The following CACNA2D3 variants were observed in gnomAD, a reference collection of about 807,000 sequenced individuals.
CACNA2D3 encodes voltage-dependent calcium channel subunit alpha-2/delta-3.
In CACNA2D3, 60 loss-of-function variants were observed where a neutral mutation model predicts 160.6. The observed-to-expected ratio is 0.37, with a 90% confidence interval of 0.30 to 0.46. The LOEUF (loss-of-function observed/expected upper bound fraction) is 0.46. CACNA2D3 is among the 20% of genes least tolerant of loss of function. CACNA2D3 has a pLI of 1.00. For synonymous variants in CACNA2D3, 558 were observed against 492.9 expected (o/e 1.13, Z -1.75); for missense variants, 1,205 against 1,365.0 (o/e 0.88, Z 1.85).
At chr3:54,596,001 A>G (rs984165563) in intron 9 of CACNA2D3, among the ~76,000 whole-genome samples, 4 of 152,072 alleles carry the variant, frequency 2.6e-5, no homozygotes, top group Non-Finnish European at 5.9e-5. Context: ...ATTTTAACCA[A>G]TTTGGCTATT....
intron 4 of CACNA2D3, among the ~76,000 whole-genome samples, chr3:54,453,575 T>A (rs1323992777): frequency 6.6e-6 from 1 of 152,196 alleles, no homozygotes; most frequent in Non-Finnish European, 1.5e-5. Flanking sequence ...AACGAGCCTG[T>A]TTTGGCTCTC....
intron 11 of CACNA2D3, among the ~76,000 whole-genome samples, chr3:54,702,582 A>T (rs1700787293): frequency 6.6e-6 from 1 of 152,236 alleles, no homozygotes; most frequent in Non-Finnish European, 1.5e-5. Flanking sequence ...GTCATTAAAA[A>T]GTTTAAAAAT....
chr3:54,263,488 C>G (rs1702441339), intron 2 of CACNA2D3, among the ~76,000 whole-genome samples: 3 of 152,020 alleles, frequency 2.0e-5, no homozygotes, highest in African/African-American at 7.3e-5. Flanking sequence ...TGCCCAGGGT[C>G]ACACAGTGAG....
At chr3:54,583,998 A>G (rs1437336024) in intron 9 of CACNA2D3, among the ~76,000 whole-genome samples, 1 of 152,138 alleles carries the variant, frequency 6.6e-6, no homozygotes, top group Non-Finnish European at 1.5e-5. Context: ...CTCCAGCTGA[A>G]TATCAACGGA....
At chr3:54,682,870 ACTGC>A (rs1224920940) in intron 11 of CACNA2D3, among the ~76,000 whole-genome samples, 1 of 152,146 alleles carries the variant, frequency 6.6e-6, no homozygotes, top group African/African-American at 2.4e-5. Flanking sequence ...CCCACCACCC[ACTGC>A]CTTCTCTGAA....
At chr3:54,624,698 A>T (rs1364677439) in intron 9 of CACNA2D3, among the ~76,000 whole-genome samples, 1 of 152,262 alleles carries the variant, frequency 6.6e-6, no homozygotes, top group Non-Finnish European at 1.5e-5. Context: ...CAGAAATGAC[A>T]TCAGGCAAAT....
chr3:54,802,841 G>A (rs1228390454), intron 13 of CACNA2D3, among the ~76,000 whole-genome samples: 8 of 152,256 alleles, frequency 5.3e-5, no homozygotes, highest in Admixed American at 1.3e-4. Flanking sequence ...TCACACGGCC[G>A]GGTACTCCTC....
intron 17 of CACNA2D3, among the ~76,000 whole-genome samples, chr3:54,848,149 C>T (rs1364513947): frequency 8.5e-5 from 13 of 152,176 alleles, no homozygotes; most frequent in Admixed American, 7.2e-4. Flanking sequence ...ATTTGCCTAG[C>T]AGTCTTTTAT....
chr3:54,303,818 G>GTTTTTTTGTTT (rs767769095), intron 2 of CACNA2D3, among the ~76,000 whole-genome samples: 5 of 115,006 alleles, frequency 4.3e-5, no homozygotes, highest in South Asian at 2.8e-4. Context: ...CTTTTTTTCT[G>GTTTTTTTGTTT]TTTTTTTTTT....
At chr3:54,467,095 A>G (rs1575472563) in intron 4 of CACNA2D3, among the ~76,000 whole-genome samples, 1 of 152,158 alleles carries the variant, frequency 6.6e-6, no homozygotes, top group African/African-American at 2.4e-5. Context: ...GATTTTTTCC[A>G]TATCAGACAA....
Position 54,466,540 on chromosome 3 carries a change from C to T in CACNA2D3, c.382-36952C>T, listed in dbSNP as rs187237125. 9.9e-5 allele frequency among the ~76,000 whole-genome samples: 15 copies of T among 152,248 alleles called. No homozygotes were observed. In the East Asian group the frequency reaches 1.9e-3, roughly 20 times the overall value. On this transcript the variant is annotated intron_variant, in intron 4 of 37. Transcript: ENST00000474759. ...AAGTTTTTCCCCTCAATGGCTGGCG[C>T]TGCTCAGTAACATTGCAAGTGTTAT... is the stretch of plus-strand genomic sequence containing the variant.
At chr3:54,674,746 A>G (rs887908138) in intron 11 of CACNA2D3, among the ~76,000 whole-genome samples, 4 of 152,146 alleles carry the variant, frequency 2.6e-5, no homozygotes, top group Non-Finnish European at 4.4e-5. Flanking sequence ...AGGATCAACT[A>G]TTTTGAGGTC....
chr3:54,793,703 G>A (rs1702808512), intron 13 of CACNA2D3, among the ~76,000 whole-genome samples: 1 of 152,178 alleles, frequency 6.6e-6, no homozygotes, highest in Admixed American at 6.5e-5. Flanking sequence ...AGAAAGCTGG[G>A]TTGTATTTGT....
intron 9 of CACNA2D3, among the ~76,000 whole-genome samples, chr3:54,591,731 A>T (rs1295615224): frequency 6.6e-6 from 1 of 152,122 alleles, no homozygotes; most frequent in Non-Finnish European, 1.5e-5. Flanking sequence ...CATTCTGTCT[A>T]AACACCCTGA....
intron 11 of CACNA2D3, among the ~76,000 whole-genome samples, chr3:54,699,220 A>G (rs1390752390): frequency 6.6e-6 from 1 of 152,104 alleles, no homozygotes; most frequent in Non-Finnish European, 1.5e-5. Context: ...CCTCTCTCTG[A>G]TAGGATGCTT....
intron 4 of CACNA2D3, among the ~76,000 whole-genome samples, chr3:54,418,531 A>G (rs560644841): frequency 2.6e-4 from 40 of 152,380 alleles, no homozygotes; most frequent in African/African-American, 9.1e-4. Context: ...TTCGATTACA[A>G]GGAAATAAAA....
intron 31 of CACNA2D3, among the ~76,000 whole-genome samples, chr3:55,000,325 T>C (rs879713341): frequency 2.6e-5 from 4 of 152,228 alleles, no homozygotes; most frequent in East Asian, 1.9e-4. Flanking sequence ...GCTGTCCAAG[T>C]GTGGAGAAGA....
At chr3:55,061,012 C>T (rs571444431) in intron 35 of CACNA2D3, among the ~76,000 whole-genome samples, 88 of 152,232 alleles carry the variant, frequency 5.8e-4, no homozygotes, top group Non-Finnish European at 1.0e-3. Context: ...TGTAGGTCGG[C>T]ACCATAAATC....
chr3:54,735,920 C>T (rs1701488784), intron 11 of CACNA2D3, among the ~76,000 whole-genome samples: 1 of 140,430 alleles, frequency 7.1e-6, no homozygotes, highest in Non-Finnish European at 1.6e-5. Flanking sequence ...GTTATCCACC[C>T]TCGAGAGATT....
Sources: gnomAD v4.1 joint callset for allele counts (sites outside exome capture counted in the v4.1 genomes callset) on GRCh38, gnomAD v4.1.1 for gene constraint, MANE v1.5 for transcripts, NCBI Gene and HGNC (gene_info 2026-07-23, HGNC 2026-07-21) for gene names.